Variants in PDE11A observed in about 807,000 individuals in gnomAD.
PDE11A encodes the protein dual 3',5'-cyclic-AMP and -GMP phosphodiesterase 11A.
PDE11A carries 100 observed loss-of-function variants against 100.5 expected under a neutral mutation model. The ratio of observed to expected loss-of-function variants is 1.00; its 90% confidence interval spans 0.85 to 1.18. PDE11A has a LOEUF of 1.18. PDE11A is among the 50% of genes most tolerant of loss of function. The pLI is 0.00. For missense variants in PDE11A, 1,141 were observed against 1,152.6 expected (o/e 0.99, Z 0.15); for synonymous variants, 381 against 420.8 (o/e 0.91, Z 1.16).
chr2:177,985,053 T>G (rs780468978), intron 2 of PDE11A, among the ~76,000 whole-genome samples: 2 of 152,226 alleles, frequency 1.3e-5, no homozygotes, highest in African/African-American at 2.4e-5. Context: ...ACCTTCCAAC[T>G]TCTCTCAGCT....
chr2:177,699,936 A>G (rs532719500), intron 14 of PDE11A, among the ~76,000 whole-genome samples: 1 of 152,154 alleles, frequency 6.6e-6, no homozygotes, highest in Non-Finnish European at 1.5e-5. Flanking sequence ...TGTTTATAAT[A>G]CTTGTTATTA....
chr2:177,648,856 T>C (rs1243740849), intron 19 of PDE11A, among the ~76,000 whole-genome samples: 1 of 152,052 alleles, frequency 6.6e-6, no homozygotes, highest in Non-Finnish European at 1.5e-5. Flanking sequence ...TGGAAACATA[T>C]TTGTCACCTT....
chr2:177,676,533 G>T (rs867928470), intron 16 of PDE11A, among the ~76,000 whole-genome samples: 1 of 151,852 alleles, frequency 6.6e-6, no homozygotes, highest in Admixed American at 6.6e-5. Context: ...ATGGCAGGGG[G>T]GTCCCCCCAC....
At chr2:177,836,355 T>A (rs2083397946) in intron 6 of PDE11A, among the ~76,000 whole-genome samples, 1 of 152,210 alleles carries the variant, frequency 6.6e-6, no homozygotes, top group African/African-American at 2.4e-5. Flanking sequence ...AACACACCAA[T>A]CAGCACCCTG....
At chr2:177,753,145 G>A (rs1253147923) in intron 10 of PDE11A, among the ~76,000 whole-genome samples, 1 of 152,198 alleles carries the variant, frequency 6.6e-6, no homozygotes, top group East Asian at 1.9e-4. Flanking sequence ...TCCTGGCATT[G>A]AAGCATTTGG....
In PDE11A at chr2:177,698,014, A is replaced by G. The variant is rs984439254; in HGVS notation, c.2245-582T>C. 5.9e-5 allele frequency among the ~76,000 whole-genome samples: 9 copies of G among 152,342 alleles called. No individual in the cohort carries two copies. In the East Asian group the frequency reaches 1.7e-3, roughly 29 times the overall value. On this transcript the variant is annotated intron_variant, in intron 14 of 19. Coordinates refer to ENST00000286063, the MANE Select transcript of PDE11A (RefSeq NM_016953.4). ...CTACTGGCATCTAGCAGTGGAGGCC[A>G]GGGATGCTGCTACACATCCCATGAT...
At chr2:177,737,824 C>T (rs2081814508) in intron 10 of PDE11A, among the ~76,000 whole-genome samples, 1 of 152,204 alleles carries the variant, frequency 6.6e-6, no homozygotes, top group African/African-American at 2.4e-5. Context: ...GGAATTACGT[C>T]TGTCTTGTTT....
Position 177,626,006 on chromosome 2 carries a change from A to T in PDE11A, c.*3401T>A, listed in dbSNP as rs192580380. On this transcript the variant is annotated 3_prime_UTR_variant, in exon 20 of 20. Transcript: ENST00000286063. ...GAAATAGATGGAGGCAATTACAAAC[A>T]GCTACTAGATTGATGGTTGACATTG... 6.5e-6 allele frequency: 1 copy of T among 152,718 alleles called. No homozygotes were observed. 9.5% of individuals were successfully genotyped at this position (152,718 alleles called of 1,614,324 possible). A position where few individuals can be genotyped will look rare whatever the true frequency, so the allele number is the denominator to read the frequency against.
At chr2:177,682,114 T>A (rs764434985) in intron 15 of PDE11A, among the ~76,000 whole-genome samples, 1 of 152,138 alleles carries the variant, frequency 6.6e-6, no homozygotes, top group Non-Finnish European at 1.5e-5. Flanking sequence ...AACAAAAACA[T>A]TGGTCTCCAC....
chr2:178,070,175 G>C (rs2087107485), intron 1 of PDE11A, among the ~76,000 whole-genome samples: 1 of 152,120 alleles, frequency 6.6e-6, no homozygotes, highest in African/African-American at 2.4e-5. Context: ...ACTCATTGTT[G>C]CTTCACCTAC....
At chr2:178,019,423 T>C (rs1311495641) in intron 1 of PDE11A, among the ~76,000 whole-genome samples, 1 of 152,144 alleles carries the variant, frequency 6.6e-6, no homozygotes, top group Non-Finnish European at 1.5e-5. Flanking sequence ...GTATAAAAAA[T>C]TGTTATTTTC....
At chr2:177,844,936 T>C (rs1291931868) in intron 5 of PDE11A, among the ~76,000 whole-genome samples, 2 of 151,714 alleles carry the variant, frequency 1.3e-5, no homozygotes, top group Non-Finnish European at 2.9e-5. Flanking sequence ...CCATGTCTAC[T>C]TCTTTCTACA....
At chr2:177,800,559 A>T (rs2105552437) in intron 9 of PDE11A, among the ~76,000 whole-genome samples, 1 of 152,268 alleles carries the variant, frequency 6.6e-6, no homozygotes, top group East Asian at 1.9e-4. Context: ...CTGAGGATTG[A>T]GATTCTTGTA....
chr2:178,085,550 A>G (rs2087340191), intron 2 of PDE11A, among the ~76,000 whole-genome samples: 1 of 151,184 alleles, frequency 6.6e-6, no homozygotes. Flanking sequence ...AAAAAAAAAA[A>G]TAAACCTAAA....
intron 5 of PDE11A, among the ~76,000 whole-genome samples, chr2:177,869,263 C>G (rs1380679436): frequency 6.6e-6 from 1 of 152,192 alleles, no homozygotes; most frequent in East Asian, 1.9e-4. Context: ...GCTGGATTTG[C>G]TGCTCAGGCT....
At chr2:177,643,572 T>G (rs2080177608) in intron 19 of PDE11A, among the ~76,000 whole-genome samples, 1 of 152,132 alleles carries the variant, frequency 6.6e-6, no homozygotes, top group South Asian at 2.1e-4. Flanking sequence ...TTTGGAAAAT[T>G]TGTAGGCTGA....
chr2:177,660,105 C>CCT (rs2080460995), intron 19 of PDE11A, among the ~76,000 whole-genome samples: 1 of 62,156 alleles, frequency 1.6e-5, no homozygotes, highest in South Asian at 5.9e-4. Flanking sequence ...CTTTCTCTCT[C>CCT]TCTCTCTTTC....
intron 2 of PDE11A, among the ~76,000 whole-genome samples, chr2:177,985,272 G>A (rs911416701): frequency 6.6e-6 from 1 of 152,128 alleles, no homozygotes; most frequent in Non-Finnish European, 1.5e-5. Context: ...GTCAAATAGA[G>A]TTGGTAACTG....
intron 1 of PDE11A, among the ~76,000 whole-genome samples, chr2:178,034,237 G>T (rs576586220): frequency 2.0e-4 from 30 of 152,084 alleles, no homozygotes; most frequent in African/African-American, 7.0e-4. Context: ...AGAAAGCAGG[G>T]GTTGCAATCC....
Sources: allele counts gnomAD v4.1 joint callset (sites outside exome capture counted in the v4.1 genomes callset), GRCh38; gene constraint gnomAD v4.1.1; transcripts MANE v1.5; gene names NCBI Gene and HGNC (gene_info 2026-07-23, HGNC 2026-07-21).